Variants in RABGAP1 observed in about 807,000 individuals in gnomAD.
RABGAP1 encodes RAB GTPase activating protein 1.
A neutral mutation model predicts 137.6 loss-of-function variants in RABGAP1; 23 were observed. The observed-to-expected ratio is 0.17, with a 90% CI of 0.12 to 0.24. The LOEUF is 0.24. Among genes scored for constraint, RABGAP1 ranks in the 10% least tolerant of loss-of-function variants. RABGAP1 has a pLI of 1.00. For synonymous variants in RABGAP1, 451 were observed against 450.7 expected (o/e 1.00, Z -0.01); for missense variants, 906 against 1,275.8 (o/e 0.71, Z 4.42).
At chr9:123,005,941 G>A (rs1287311699) in intron 10 of RABGAP1, among the ~76,000 whole-genome samples, 1 of 152,216 alleles carries the variant, frequency 6.6e-6, no homozygotes, top group Non-Finnish European at 1.5e-5. Context: ...TGAGGCAGTG[G>A]TGTCTAAGAA....
intron 18 of RABGAP1, among the ~76,000 whole-genome samples, 154 bp downstream of exon 18, chr9:123,076,440 C>T (rs1036576664): frequency 2.6e-5 from 4 of 152,162 alleles, no homozygotes; most frequent in African/African-American, 9.7e-5. Flanking sequence ...GAAGAAATAT[C>T]TTCTGGGGAT....
At chr9:123,067,304 G>A (rs895117879) in intron 14 of RABGAP1, among the ~76,000 whole-genome samples, 1 of 152,116 alleles carries the variant, frequency 6.6e-6, no homozygotes. Flanking sequence ...CACTGCCCTG[G>A]TACAGGCCAG....
intron 15 of RABGAP1, among the ~76,000 whole-genome samples, chr9:123,072,038 A>G (rs1270424034): frequency 2.6e-5 from 4 of 151,364 alleles, no homozygotes; most frequent in South Asian, 2.1e-4. Context: ...GTAGATTGCA[A>G]TACAAGTTTG....
At chr9:122,986,025 T>C (rs559680222) in intron 3 of RABGAP1, among the ~76,000 whole-genome samples, 190 bp from the exon 4 acceptor site, 4 of 152,340 alleles carry the variant, frequency 2.6e-5, no homozygotes, top group African/African-American at 7.2e-5. Context: ...CCTAAAAATC[T>C]TGGTGTTTCT....
chr9:123,100,602 G>T (rs1013109430), intron 24 of RABGAP1, among the ~76,000 whole-genome samples: 2 of 152,098 alleles, frequency 1.3e-5, no homozygotes, highest in African/African-American at 4.8e-5. Flanking sequence ...TCGATTTTTA[G>T]TAGAGGTAGG....
chr9:123,090,047 G>A (rs539402638), intron 20 of RABGAP1, among the ~76,000 whole-genome samples, 197 bp downstream of exon 20: 9 of 152,084 alleles, frequency 5.9e-5, no homozygotes, highest in Non-Finnish European at 1.3e-4. Flanking sequence ...GTGGCTTTTC[G>A]TCACAGTTAA....
intron 4 of RABGAP1, 96 bp from the exon 5 acceptor site, chr9:122,989,201 T>A (rs1836534268): frequency 6.1e-6 from 7 of 1,152,914 alleles, no homozygotes; most frequent in South Asian, 1.3e-5. Flanking sequence ...ATATATGATC[T>A]TCTTACTAGA....
At chr9:123,101,442 T>C in intron 24 of RABGAP1, 124 bp from the exon 25 acceptor site, 1 of 894,970 alleles carries the variant, frequency 1.1e-6, no homozygotes, top group Non-Finnish European at 1.6e-6. Context: ...AGAGCACAGG[T>C]TTTCAGAAAC....
intron 2 of RABGAP1, among the ~76,000 whole-genome samples, chr9:122,981,060 T>C (rs1836026884): frequency 6.6e-6 from 1 of 151,824 alleles, no homozygotes; most frequent in African/African-American, 2.4e-5. Flanking sequence ...TCTTGTTTGA[T>C]AGAGTCTCAT....
At chr9:122,940,227 G>A (rs1189135373), upstream of RABGAP1, 1 of 152,172 alleles carries the variant, frequency 6.6e-6, no homozygotes, top group Non-Finnish European at 1.5e-5. Context: ...CAACTGCATT[G>A]TACATTCATT....
At chr9:123,036,362 T>C (rs936623304) in intron 13 of RABGAP1, among the ~76,000 whole-genome samples, 2 of 152,264 alleles carry the variant, frequency 1.3e-5, no homozygotes, top group African/African-American at 4.8e-5. Context: ...GTAGTACTTT[T>C]GCCCATGCCT....
intron 13 of RABGAP1, chr9:123,034,236 CT>C (rs2032478420): frequency 5.7e-6 from 2 of 349,424 alleles, no homozygotes; most frequent in Non-Finnish European, 1.0e-5. Context: ...CTCTTCTACC[CT>C]TTCCCCCTAC....
intron 13 of RABGAP1, among the ~76,000 whole-genome samples, chr9:123,032,511 A>C (rs1333344138): frequency 6.6e-6 from 1 of 152,192 alleles, no homozygotes; most frequent in Admixed American, 6.5e-5. Flanking sequence ...CTGCTGCTTC[A>C]GATTTAAAAT....
rs1834573014 is a variant in RABGAP1 at position 122,957,194 on chromosome 9, G to C, written c.135G>C (p.Glu45Asp). ...TPSTNNGSDD[E>D]KTGLKIVGNG... ...CTACAAATAATGGAAGTGATGATGA[G>C]AAAACAGGACTCAAGGTAAAACTCC... Residue 45 changes from glutamate (E) to aspartate (D), a missense_variant, in exon 2 of 26, where the codon GAG (glutamate) becomes GAC (aspartate). Glu to Asp is a conservative substitution (Grantham distance 45, BLOSUM62 2). Transcript: ENST00000373647. The C allele has an allele frequency of 6.5e-7, 1 of 1,540,952 alleles. No homozygotes were observed. Among genetic ancestry groups the C allele is most frequent in the Non-Finnish European group, 8.8e-7 (1 of 1,130,834 alleles).
At chr9:123,051,958 ATTTTTTTTTT>A (rs58591585) in intron 13 of RABGAP1, among the ~76,000 whole-genome samples, 1 of 130,670 alleles carries the variant, frequency 7.7e-6, no homozygotes, top group African/African-American at 2.8e-5. Context: ...CGCCCGGCTA[ATTTTTTTTTT>A]TTTTTTTTTT....
chr9:123,062,421 A>G (rs2034012061), intron 13 of RABGAP1: 1 of 152,216 alleles, frequency 6.6e-6, no homozygotes, highest in Non-Finnish European at 1.5e-5. Context: ...TCATTCTGAT[A>G]GGAACTTACT....
chr9:122,971,550 A>G (rs1307847710), intron 2 of RABGAP1: 5 of 152,242 alleles, frequency 3.3e-5, no homozygotes, highest in African/African-American at 9.6e-5. Context: ...TAAGGGAAAT[A>G]TGATTAAAAT....
chr9:122,966,531 TAAA>T (rs1293428391), intron 2 of RABGAP1, among the ~76,000 whole-genome samples: 2 of 150,724 alleles, frequency 1.3e-5, no homozygotes, highest in Non-Finnish European at 3.0e-5. Context: ...CTCGAAAAAA[TAAA>T]AAAATAAATA....
At position 123,103,963 on chromosome 9, in the gene RABGAP1, T is replaced by TTGTGTGTGTGTGTGTGTGTG. The variant is rs10675843; in HGVS notation, c.*764_*783dup. ...ACAAATCTTATTTTGCTTAATGTGT[T>TTGTGTGTGTGTGTGTGTGTG]TGTGTGTGTGTGTGTGTGTGTGTGT... On this transcript the variant is annotated 3_prime_UTR_variant, in exon 26 of 26. Coordinates refer to ENST00000373647, the MANE Select transcript of RABGAP1 (RefSeq NM_012197.4). The TTGTGTGTGTGTGTGTGTGTG allele has an allele frequency of 2.1e-4, 30 of 141,604 alleles. No individual in the cohort carries two copies. Among genetic ancestry groups the TTGTGTGTGTGTGTGTGTGTG allele is most frequent in the African/African-American group, 5.8e-4 (22 of 37,684 alleles). The allele number at this position is 141,604 out of a possible 1,614,324, so 8.8% of individuals were successfully genotyped here.
Sources: gnomAD v4.1 joint callset for allele counts (sites outside exome capture counted in the v4.1 genomes callset) on GRCh38, gnomAD v4.1.1 for gene constraint, MANE v1.5 for transcripts, NCBI Gene and HGNC (gene_info 2026-07-23, HGNC 2026-07-21) for gene names.